PDE5A: variants seen among roughly 807,000 people sequenced by gnomAD.
PDE5A encodes cGMP-specific 3',5'-cyclic phosphodiesterase.
Under a neutral mutation model 110.2 loss-of-function variants are expected in PDE5A, and 67 were observed. That is an observed-to-expected ratio of 0.61 (90% CI 0.50 to 0.75). The LOEUF (loss-of-function observed/expected upper bound fraction) is 0.75. PDE5A is among the 30% of genes least tolerant of loss of function. PDE5A has a pLI of 0.00. For synonymous variants in PDE5A, 328 were observed against 351.2 expected, an observed-to-expected ratio of 0.93 and a Z score of 0.74; for missense variants, 862 against 1,045.1, an observed-to-expected ratio of 0.82 and a Z score of 2.42.
chr4:119,628,085 G>T, intron 1 of PDE5A: 1 of 970,800 alleles, frequency 1.0e-6, no homozygotes, highest in Non-Finnish European at 1.2e-6. Context: ...CAGGGCGAGG[G>T]GGGACGGGGG....
intron 3 of PDE5A, among the ~76,000 whole-genome samples, chr4:119,574,173 T>C (rs112355751): frequency 0.026 from 3,399 of 130,934 alleles, 52 homozygotes; most frequent in South Asian, 0.056. Context: ...TAGTACAAAA[T>C]ATAGGCTTTT....
intron 20 of PDE5A, among the ~76,000 whole-genome samples, chr4:119,500,447 TG>T (rs1725263312): frequency 6.6e-6 from 1 of 152,064 alleles, no homozygotes; most frequent in Non-Finnish European, 1.5e-5. Flanking sequence ...CGTTGGGAGA[TG>T]AACTTTACAA....
chr4:119,595,951 A>T (rs1446636402), intron 3 of PDE5A, among the ~76,000 whole-genome samples: 1 of 152,212 alleles, frequency 6.6e-6, no homozygotes, highest in Non-Finnish European at 1.5e-5. Context: ...TTTAACTGAT[A>T]ATTTATTAAC....
chr4:119,546,075 C>A (rs954613764), intron 9 of PDE5A, among the ~76,000 whole-genome samples: 1 of 152,046 alleles, frequency 6.6e-6, no homozygotes, highest in African/African-American at 2.4e-5. Flanking sequence ...TTCCCTAGTA[C>A]TTTTATAGAT....
chr4:119,552,076 T>A (rs1049551499), intron 9 of PDE5A: 1 of 152,192 alleles, frequency 6.6e-6, no homozygotes, highest in Non-Finnish European at 1.5e-5. Context: ...GGTTTTTCTA[T>A]AATCATGTTA....
chr4:119,621,892 C>T (rs553781672), intron 1 of PDE5A, among the ~76,000 whole-genome samples: 7 of 152,208 alleles, frequency 4.6e-5, no homozygotes, highest in Middle Eastern at 3.4e-3. Context: ...TGAGATTGGC[C>T]GGGCGCGGTG....
chr4:119,501,484 C>T (rs992299090), intron 19 of PDE5A, among the ~76,000 whole-genome samples: 4 of 151,814 alleles, frequency 2.6e-5, no homozygotes, highest in Admixed American at 6.6e-5. Flanking sequence ...TTTTTATTAG[C>T]GACAGGGTTT....
chr4:119,537,863 T>G (rs1726781898), intron 11 of PDE5A, among the ~76,000 whole-genome samples: 1 of 152,044 alleles, frequency 6.6e-6, no homozygotes, highest in South Asian at 2.1e-4. Context: ...TATAGACTAT[T>G]CAAAAATTAT....
chr4:119,608,228 G>A (rs75158005), intron 1 of PDE5A, among the ~76,000 whole-genome samples: 4,333 of 152,160 alleles, frequency 0.028, 85 homozygotes, highest in South Asian at 0.07. Flanking sequence ...TTTAAAGTAG[G>A]CTTTATCTAA....
At chr4:119,603,244 C>T (rs539345971) in intron 2 of PDE5A, among the ~76,000 whole-genome samples, 4 of 152,220 alleles carry the variant, frequency 2.6e-5, no homozygotes, top group South Asian at 2.1e-4. Context: ...CGTGCCAAGC[C>T]GGCTGCAGTG....
chr4:119,542,392 TTA>T, intron 10 of PDE5A, 65 bp downstream of exon 10: 1 of 1,443,266 alleles, frequency 6.9e-7, no homozygotes. Flanking sequence ...CCATGAGTGA[TTA>T]TGAGGGAAAG....
intron 17 of PDE5A, among the ~76,000 whole-genome samples, chr4:119,505,301 CTCTT>C (rs1035240759): frequency 9.2e-5 from 14 of 151,938 alleles, no homozygotes; most frequent in African/African-American, 3.4e-4. Context: ...ACTTATCTCT[CTCTT>C]TCCTCCAGTC....
chr4:119,504,459 G>C, intron 18 of PDE5A, 77 bp downstream of exon 18: 2 of 1,063,482 alleles, frequency 1.9e-6, no homozygotes. Flanking sequence ...TCTTTAGGTA[G>C]ATACCTAGTA....
chr4:119,591,456 G>A (rs1337662917), intron 3 of PDE5A, among the ~76,000 whole-genome samples: 1 of 152,204 alleles, frequency 6.6e-6, no homozygotes. Context: ...TGGTAAAGAT[G>A]GGATTCAAGC....
At chr4:119,523,368 G>C (rs754740531) in intron 12 of PDE5A, among the ~76,000 whole-genome samples, 6 of 136,472 alleles carry the variant, frequency 4.4e-5, no homozygotes, top group Non-Finnish European at 1.0e-4. Flanking sequence ...AGAACATGAA[G>C]ATCTTTCAAT....
At chr4:119,622,865 A>G (rs1472079425) in intron 1 of PDE5A, among the ~76,000 whole-genome samples, 18 of 8,664 alleles carry the variant, frequency 2.1e-3, no homozygotes, top group African/African-American at 4.1e-3. Flanking sequence ...CTCCGTCTCG[A>G]AAAAAAAAAA....
chr4:119,577,912 T>C (rs2110518432), intron 3 of PDE5A, among the ~76,000 whole-genome samples: 1 of 152,318 alleles, frequency 6.6e-6, no homozygotes, highest in South Asian at 2.1e-4. Flanking sequence ...TGTTTGCAGA[T>C]GGCATGATTA....
intron 7 of PDE5A, among the ~76,000 whole-genome samples, chr4:119,555,259 G>A (rs1392988722): frequency 6.6e-6 from 1 of 152,188 alleles, no homozygotes; most frequent in Non-Finnish European, 1.5e-5. Context: ...AAAAGGAAAT[G>A]ACAGAAGAGT....
chr4:119,523,130 C>T lies in PDE5A; in HGVS notation c.1780-2070G>A, dbSNP rs372788786. On this transcript the variant is annotated intron_variant, in intron 12 of 20. Coordinates refer to ENST00000354960, the MANE Select transcript of PDE5A (RefSeq NM_001083.4). ...TGAAGTCAAGCCTAGGGTTCTCTTA[C>T]AAACAGATATTCTTAAGTCAGGCTC... Among the ~76,000 whole-genome samples the T allele has an allele frequency of 2.0e-5, 3 of 152,068 alleles. No homozygotes were observed. The East Asian group carries it at 5.8e-4, about 29-fold the overall frequency.
Sources: allele counts gnomAD v4.1 joint callset (sites outside exome capture counted in the v4.1 genomes callset), GRCh38; gene constraint gnomAD v4.1.1; transcripts MANE v1.5; gene names NCBI Gene and HGNC (gene_info 2026-07-23, HGNC 2026-07-21).